RBFOX2: variants seen among roughly 807,000 people sequenced by gnomAD.
RBFOX2 encodes the protein RNA binding protein fox-1 homolog 2.
Under a neutral mutation model 49.1 loss-of-function variants are expected in RBFOX2, and 10 were observed. The observed-to-expected ratio is 0.20, with a 90% CI of 0.13 to 0.35. RBFOX2 has a LOEUF of 0.35. Among genes scored for constraint, RBFOX2 ranks in the 10% least tolerant of loss-of-function variants. The probability of loss-of-function intolerance (pLI) is 1.00; values close to 1 mark genes in which losing one functional copy is unlikely to be tolerated. For missense variants in RBFOX2, 323 were observed against 486.9 expected (o/e 0.66, Z 3.17); for synonymous variants, 183 against 187.4 (o/e 0.98, Z 0.19).
intron 1 of RBFOX2, among the ~76,000 whole-genome samples, chr22:35,988,710 A>G (rs2057833130): frequency 6.6e-6 from 1 of 152,218 alleles, no homozygotes; most frequent in Non-Finnish European, 1.5e-5. Flanking sequence ...ACTAAAGGAC[A>G]GTGAGATGAT....
intron 1 of RBFOX2, among the ~76,000 whole-genome samples, chr22:35,830,098 C>T (rs1355674390): frequency 6.6e-6 from 1 of 152,190 alleles, no homozygotes; most frequent in African/African-American, 2.4e-5. Context: ...CAAGTGACTA[C>T]CCAATTTAAC....
At chr22:35,795,373 GGTAAT>G (rs1443147470) in intron 2 of RBFOX2, among the ~76,000 whole-genome samples, 2 of 151,988 alleles carry the variant, frequency 1.3e-5, no homozygotes, top group Non-Finnish European at 2.9e-5. Context: ...GTGGGCTGAA[GGTAAT>G]ATAGCCCAAC....
chr22:35,834,311 T>C (rs906243006), intron 1 of RBFOX2, among the ~76,000 whole-genome samples: 1 of 152,210 alleles, frequency 6.6e-6, no homozygotes, highest in Non-Finnish European at 1.5e-5. Context: ...GAGGGTAAAG[T>C]GCTTAGAACG....
At chr22:35,831,153 T>C (rs1343569412) in intron 1 of RBFOX2, among the ~76,000 whole-genome samples, 2 of 152,154 alleles carry the variant, frequency 1.3e-5, no homozygotes, top group South Asian at 4.1e-4. Flanking sequence ...CGTTTTTAAA[T>C]AGTTAAGAGG....
chr22:35,981,878 A>G (rs1434238280), intron 1 of RBFOX2, among the ~76,000 whole-genome samples: 1 of 152,166 alleles, frequency 6.6e-6, no homozygotes, highest in East Asian at 1.9e-4. Context: ...AATTCACTGT[A>G]TACCCTGTAA....
chr22:35,984,501 A>G (rs922174057), intron 1 of RBFOX2, among the ~76,000 whole-genome samples: 1 of 152,230 alleles, frequency 6.6e-6, no homozygotes, highest in African/African-American at 2.4e-5. Context: ...CACATCTGTT[A>G]TATAATAAAA....
chr22:35,939,222 T>A (rs1316157179), upstream of RBFOX2: 2 of 517,558 alleles, frequency 3.9e-6, no homozygotes, highest in East Asian at 1.0e-4. Flanking sequence ...TCATACACTG[T>A]GGGACTTCAG....
intron 2 of RBFOX2, among the ~76,000 whole-genome samples, chr22:35,803,106 G>A (rs906980466): frequency 4.0e-5 from 6 of 150,578 alleles, no homozygotes; most frequent in Non-Finnish European, 5.9e-5. Flanking sequence ...ATACTGTGTG[G>A]GAGTCACATG....
intron 1 of RBFOX2, among the ~76,000 whole-genome samples, chr22:35,882,741 A>G (rs1484040015): frequency 6.6e-6 from 1 of 152,144 alleles, no homozygotes; most frequent in Admixed American, 6.5e-5. Flanking sequence ...CTGATGAGAG[A>G]AAGTGGGTAA....
chr22:35,831,919 A>G (rs1956875280), intron 1 of RBFOX2, among the ~76,000 whole-genome samples: 1 of 152,250 alleles, frequency 6.6e-6, no homozygotes, highest in South Asian at 2.1e-4. Context: ...CTCAGATACT[A>G]AAAGACAGGT....
At chr22:35,875,393 G>T (rs1314774231) in intron 1 of RBFOX2, among the ~76,000 whole-genome samples, 1 of 152,014 alleles carries the variant, frequency 6.6e-6, no homozygotes, top group Non-Finnish European at 1.5e-5. Flanking sequence ...GAATGAAAAG[G>T]GGGGCCACTG....
At chr22:35,843,252 G>C (rs554826355), upstream of RBFOX2, among the ~76,000 whole-genome samples, 1 of 152,300 alleles carries the variant, frequency 6.6e-6, no homozygotes, top group South Asian at 2.1e-4. Context: ...GGAGGAGAGA[G>C]ACAGGCAGGG....
intron 2 of RBFOX2, among the ~76,000 whole-genome samples, chr22:35,788,401 T>G (rs561011228): frequency 6.6e-5 from 10 of 152,182 alleles, no homozygotes; most frequent in Admixed American, 1.3e-4. Flanking sequence ...TTCCCCCCCG[T>G]CCCCCAATAG....
rs78804361 is a variant in RBFOX2 at position 35,960,327 on chromosome 22, C to T, written c.42+1236G>A. On this transcript the variant is annotated intron_variant, in intron 1 of 5. Coordinates refer to the RBFOX2 transcript ENST00000408983. The stretch of plus-strand genomic sequence containing the variant: ...CCCATTTTACACATGAGGAAGCCAA[C>T]GCACCAAGAGACTAACTTGTCCAAG... Among the ~76,000 whole-genome samples the T allele has an allele frequency of 3.3e-3, 499 of 152,252 alleles. 3 individuals are homozygous for T. The highest frequency in any genetic ancestry group is 0.01 in the Middle Eastern group (3 of 294).
chr22:35,802,176 T>C (rs776888729), intron 2 of RBFOX2, among the ~76,000 whole-genome samples: 3 of 152,034 alleles, frequency 2.0e-5, no homozygotes, highest in Non-Finnish European at 4.4e-5. Context: ...TTGCCCTTAA[T>C]CACTGTCATT....
chr22:35,825,420 CTAAGTGA>C (rs1230179520), intron 1 of RBFOX2, among the ~76,000 whole-genome samples: 5 of 137,610 alleles, frequency 3.6e-5, no homozygotes, highest in Non-Finnish European at 7.8e-5. Flanking sequence ...TAAATTTTGA[CTAAGTGA>C]AAAAAAAAAA....
At chr22:35,991,863 C>T (rs184607198) in intron 1 of RBFOX2, among the ~76,000 whole-genome samples, 1 of 152,188 alleles carries the variant, frequency 6.6e-6, no homozygotes, top group Non-Finnish European at 1.5e-5. Flanking sequence ...AACTTGGATA[C>T]CTCTAATCAA....
At chr22:35,951,940 T>G (rs1018636373) in intron 1 of RBFOX2, among the ~76,000 whole-genome samples, 2 of 152,244 alleles carry the variant, frequency 1.3e-5, no homozygotes, top group Non-Finnish European at 2.9e-5. Context: ...CTGCTAAGGT[T>G]GGCCTTAGCT....
At chr22:35,953,185 T>C (rs1222806389) in intron 1 of RBFOX2, among the ~76,000 whole-genome samples, 4 of 115,920 alleles carry the variant, frequency 3.5e-5, no homozygotes, top group Non-Finnish European at 1.6e-5. Flanking sequence ...CGCTCCAGCC[T>C]GGGCGACAGA....
Sources: gnomAD v4.1 joint callset for allele counts (sites outside exome capture counted in the v4.1 genomes callset) on GRCh38, gnomAD v4.1.1 for gene constraint, MANE v1.5 for transcripts, NCBI Gene and HGNC (gene_info 2026-07-23, HGNC 2026-07-21) for gene names.